PTPRD: variants seen among roughly 807,000 people sequenced by gnomAD.
The protein encoded by PTPRD is receptor-type tyrosine-protein phosphatase delta.
PTPRD carries 34 observed loss-of-function variants against 214.5 expected under a neutral mutation model. The observed-to-expected ratio is 0.16, with a 90% confidence interval of 0.12 to 0.21. PTPRD has a LOEUF of 0.21. PTPRD is among the 10% of genes least tolerant of loss of function. PTPRD has a pLI of 1.00. For synonymous variants in PTPRD, 1,128 were observed against 845.7 expected (o/e 1.33, Z -5.79); for missense variants, 2,545 against 2,398.7 (o/e 1.06, Z -1.27).
intron 12 of PTPRD, among the ~76,000 whole-genome samples, chr9:8,702,133 A>C (rs1311012194): frequency 6.6e-6 from 1 of 151,822 alleles, no homozygotes; most frequent in African/African-American, 2.4e-5. Context: ...CTACTTTCAT[A>C]GCTTTTAATT....
chr9:9,933,970 G>C (rs1304247968), intron 5 of PTPRD, among the ~76,000 whole-genome samples: 2 of 145,952 alleles, frequency 1.4e-5, no homozygotes, highest in Non-Finnish European at 1.5e-5. Context: ...ACCTGCTCCT[G>C]AATGACTACT....
chr9:9,982,819 T>G (rs1222074334), intron 4 of PTPRD, among the ~76,000 whole-genome samples: 1 of 152,098 alleles, frequency 6.6e-6, no homozygotes, highest in African/African-American at 2.4e-5. Flanking sequence ...GATTATAGCT[T>G]TCTATTTATA....
chr9:8,783,498 C>G (rs1297669061), intron 11 of PTPRD, among the ~76,000 whole-genome samples: 2 of 152,130 alleles, frequency 1.3e-5, no homozygotes, highest in Non-Finnish European at 2.9e-5. Flanking sequence ...TAAATAAATA[C>G]TATTACTTGA....
intron 12 of PTPRD, among the ~76,000 whole-genome samples, chr9:8,698,619 A>C (rs1055232769): frequency 1.3e-5 from 2 of 152,222 alleles, no homozygotes; most frequent in African/African-American, 4.8e-5. Flanking sequence ...TAAACTCAGG[A>C]AGGCTGTATG....
chr9:9,678,994 G>C (rs2154396195), intron 7 of PTPRD, among the ~76,000 whole-genome samples: 1 of 151,714 alleles, frequency 6.6e-6, no homozygotes, highest in East Asian at 1.9e-4. Context: ...TGGTACATCA[G>C]AGTAATAATG....
At chr9:8,845,429 G>A (rs2570961) in intron 11 of PTPRD, among the ~76,000 whole-genome samples, 44,043 of 152,052 alleles carry the variant, frequency 0.29, 8,401 homozygotes, top group African/African-American at 0.54. Flanking sequence ...TAGCTCTGGC[G>A]ATATTCAAGA....
intron 14 of PTPRD, among the ~76,000 whole-genome samples, chr9:8,560,478 T>C (rs573719350): frequency 0.052 from 7,478 of 143,982 alleles, 618 homozygotes; most frequent in African/African-American, 0.19. Context: ...CACACATATA[T>C]ACACTGTTTC....
At chr9:9,121,048 C>T (rs1252731897) in intron 10 of PTPRD, among the ~76,000 whole-genome samples, 1 of 152,108 alleles carries the variant, frequency 6.6e-6, no homozygotes, top group African/African-American at 2.4e-5. Flanking sequence ...AGAAAACGTA[C>T]AGAGGTTATA....
intron 3 of PTPRD, among the ~76,000 whole-genome samples, chr9:10,242,971 T>C (rs2091403362): frequency 6.6e-6 from 1 of 151,306 alleles, no homozygotes. Context: ...AAGACAAAGA[T>C]ATGGTTATGT....
intron 2 of PTPRD, among the ~76,000 whole-genome samples, chr9:10,416,892 G>C (rs984030933): frequency 1.3e-5 from 2 of 151,838 alleles, no homozygotes; most frequent in Non-Finnish European, 2.9e-5. Flanking sequence ...AGGGTTCTAA[G>C]AGTCCTGGAA....
intron 27 of PTPRD, among the ~76,000 whole-genome samples, chr9:8,492,634 A>G: frequency 6.9e-6 from 1 of 144,034 alleles, no homozygotes; most frequent in East Asian, 2.1e-4. Flanking sequence ...AAAAAAAAAA[A>G]TACTTATTGA....
chr9:8,571,893 G>A (rs1198944682), intron 14 of PTPRD, among the ~76,000 whole-genome samples: 1 of 152,048 alleles, frequency 6.6e-6, no homozygotes, highest in African/African-American at 2.4e-5. Flanking sequence ...CATCAAGAGA[G>A]GAAAGTTTCT....
At chr9:10,124,066 C>G (rs1224276170) in intron 3 of PTPRD, among the ~76,000 whole-genome samples, 2 of 152,100 alleles carry the variant, frequency 1.3e-5, no homozygotes, top group Non-Finnish European at 2.9e-5. Context: ...TGAAATGCAC[C>G]CAAGCTGCAT....
chr9:10,201,350 A>G (rs76718220), intron 3 of PTPRD, among the ~76,000 whole-genome samples: 1,714 of 152,014 alleles, frequency 0.011, 27 homozygotes, highest in Non-Finnish European at 0.014. Flanking sequence ...GTGGTTTTCA[A>G]AATTTGAAAA....
At chr9:8,538,246 C>G (rs1401611235) in intron 14 of PTPRD, among the ~76,000 whole-genome samples, 1 of 151,842 alleles carries the variant, frequency 6.6e-6, no homozygotes. Context: ...AAATAATTAA[C>G]CACTTTACCG....
At chr9:10,356,852 GT>G (rs1240158823) in intron 2 of PTPRD, among the ~76,000 whole-genome samples, 7 of 151,514 alleles carry the variant, frequency 4.6e-5, no homozygotes, top group Admixed American at 6.6e-5. Context: ...GCTAATTTTT[GT>G]TTTTTTAGTA....
chr9:10,553,054 A>G (rs1484453349), intron 2 of PTPRD, among the ~76,000 whole-genome samples: 2 of 152,116 alleles, frequency 1.3e-5, no homozygotes, highest in Admixed American at 1.3e-4. Flanking sequence ...CCTCCAGTTG[A>G]CCATTCCCTG....
chr9:9,941,534 G>A (rs2091447836), intron 4 of PTPRD, among the ~76,000 whole-genome samples: 1 of 152,102 alleles, frequency 6.6e-6, no homozygotes, highest in African/African-American at 2.4e-5. Context: ...TATTGGCCAG[G>A]CTGTTCTTGA....
intron 14 of PTPRD, among the ~76,000 whole-genome samples, chr9:8,550,013 C>G (rs1364497154): frequency 6.6e-6 from 1 of 152,046 alleles, no homozygotes; most frequent in Non-Finnish European, 1.5e-5. Flanking sequence ...CACTGATTAA[C>G]TTGAACTGAA....
Sources: gnomAD v4.1 joint callset for allele counts (sites outside exome capture counted in the v4.1 genomes callset) on GRCh38, gnomAD v4.1.1 for gene constraint, MANE v1.5 for transcripts, NCBI Gene and HGNC (gene_info 2026-07-23, HGNC 2026-07-21) for gene names.